PCCA: variants seen among roughly 807,000 people sequenced by gnomAD.
PCCA encodes the protein propionyl-CoA carboxylase subunit alpha, also known as propionyl-CoA carboxylase alpha chain, mitochondrial.
In PCCA, 74 loss-of-function variants were observed where a neutral mutation model predicts 101.3. The observed-to-expected ratio is 0.73, with a 90% CI of 0.61 to 0.89. PCCA has a LOEUF of 0.89. Ranked by LOEUF, PCCA falls within the 40% of genes least tolerant of loss-of-function variation. PCCA has a pLI of 0.00. For missense variants in PCCA, 891 were observed against 907.0 expected (o/e 0.98, Z 0.23); for synonymous variants, 294 against 313.6 (o/e 0.94, Z 0.66).
At chr13:100,317,814 C>T (rs546618108) in intron 16 of PCCA, among the ~76,000 whole-genome samples, 99 of 152,084 alleles carry the variant, frequency 6.5e-4, no homozygotes, top group Non-Finnish European at 1.2e-3. Flanking sequence ...TCTTGAACTC[C>T]TGACCTCAAG....
At chr13:100,276,482 A>T (rs1342202644) in intron 12 of PCCA, among the ~76,000 whole-genome samples, 1 of 151,746 alleles carries the variant, frequency 6.6e-6, no homozygotes, top group Non-Finnish European at 1.5e-5. Context: ...ATGTCTTTTA[A>T]TTTTTTTTGG....
At chr13:100,389,190 G>C (rs1161807962) in intron 19 of PCCA, among the ~76,000 whole-genome samples, 1 of 152,122 alleles carries the variant, frequency 6.6e-6, no homozygotes, top group Non-Finnish European at 1.5e-5. Context: ...AACTGAACAC[G>C]GAGGTGGTTA....
At chr13:100,100,719 C>G (rs1386401311) in intron 1 of PCCA, among the ~76,000 whole-genome samples, 2 of 151,824 alleles carry the variant, frequency 1.3e-5, no homozygotes, top group African/African-American at 4.8e-5. Context: ...TCAGACTTGT[C>G]GTGGGAATGG....
intron 21 of PCCA, among the ~76,000 whole-genome samples, chr13:100,485,042 CCTCT>C (rs372225785): frequency 6.6e-6 from 1 of 151,234 alleles, no homozygotes; most frequent in African/African-American, 2.4e-5. Context: ...CCCTTCCTGC[CCTCT>C]CTCTCTCTCT....
chr13:100,130,468 T>C (rs1325388870), intron 4 of PCCA, among the ~76,000 whole-genome samples: 2 of 152,254 alleles, frequency 1.3e-5, no homozygotes, highest in African/African-American at 4.8e-5. Flanking sequence ...ATTGTTGCTA[T>C]CTTCAGGCAT....
At chr13:100,518,046 C>T (rs937933629) in intron 22 of PCCA, among the ~76,000 whole-genome samples, 8 of 152,072 alleles carry the variant, frequency 5.3e-5, no homozygotes. Context: ...AATAGCCGGG[C>T]GAGGTTCCCC....
chr13:100,497,963 G>A (rs564784994), intron 21 of PCCA, among the ~76,000 whole-genome samples: 9 of 151,632 alleles, frequency 5.9e-5, no homozygotes, highest in Non-Finnish European at 1.3e-4. Flanking sequence ...TCGAACTACC[G>A]GGCTCAGTTG....
chr13:100,229,061 G>T (rs2060318135), intron 7 of PCCA, among the ~76,000 whole-genome samples: 1 of 151,156 alleles, frequency 6.6e-6, no homozygotes, highest in South Asian at 2.1e-4. Flanking sequence ...AAAACTTATT[G>T]CCATGTAGAA....
At chr13:100,435,044 G>C (rs947587269) in intron 20 of PCCA, among the ~76,000 whole-genome samples, 2 of 152,158 alleles carry the variant, frequency 1.3e-5, no homozygotes. Flanking sequence ...CTGAACCCCT[G>C]TGATTCCATG....
chr13:100,414,160 G>C (rs1214420957), intron 19 of PCCA, among the ~76,000 whole-genome samples: 1 of 152,060 alleles, frequency 6.6e-6, no homozygotes, highest in Non-Finnish European at 1.5e-5. Flanking sequence ...ATAATCTTTT[G>C]TGACAGATTG....
intron 21 of PCCA, among the ~76,000 whole-genome samples, chr13:100,465,907 G>A (rs931827546): frequency 1.3e-5 from 2 of 152,228 alleles, no homozygotes; most frequent in Admixed American, 6.5e-5. Context: ...TTAGGAACAT[G>A]TTTAGCGAAT....
intron 17 of PCCA, among the ~76,000 whole-genome samples, chr13:100,336,122 C>T (rs1435029349): frequency 1.3e-5 from 2 of 152,082 alleles, no homozygotes; most frequent in African/African-American, 4.8e-5. Context: ...ATTAGCCGGG[C>T]ATGGTGGCAT....
chr13:100,453,546 G>A (rs2081493010), intron 21 of PCCA, among the ~76,000 whole-genome samples: 1 of 152,024 alleles, frequency 6.6e-6, no homozygotes, highest in Non-Finnish European at 1.5e-5. Context: ...TTGGGACTGT[G>A]GAGCTGAACT....
intron 16 of PCCA, among the ~76,000 whole-genome samples, chr13:100,328,933 C>A (rs1459334184): frequency 6.7e-6 from 1 of 150,328 alleles, no homozygotes; most frequent in Non-Finnish European, 1.5e-5. Flanking sequence ...ACCTCATGAT[C>A]TGCCTGCCTC....
At chr13:100,483,187 C>G (rs151180117) in intron 21 of PCCA, among the ~76,000 whole-genome samples, 1 of 151,960 alleles carries the variant, frequency 6.6e-6, no homozygotes, top group African/African-American at 2.4e-5. Flanking sequence ...AAAAGTACAA[C>G]TTGCTTTATG....
In PCCA at chr13:100,405,566, A is replaced by G. The variant is rs139833367; in HGVS notation, c.1747-20067A>G. Among the ~76,000 whole-genome samples, 384 of 152,294 alleles carry G rather than the reference A, an allele frequency of 2.5e-3. 4 individuals are homozygous for G. The highest frequency in any genetic ancestry group is 0.019 in the Admixed American group (288 of 15,302). On this transcript the variant is annotated intron_variant, in intron 19 of 23. Transcript: ENST00000376285. Reference sequence around the variant, plus strand: ...TTCTTTGCCTGAATATTTGCATAAAATGCAACAAGAATAATTATTTCTACA... The same window carrying G: ...TTCTTTGCCTGAATATTTGCATAAAGTGCAACAAGAATAATTATTTCTACA...
chr13:100,301,972 T>A (rs1235693315), intron 13 of PCCA, among the ~76,000 whole-genome samples: 2 of 152,230 alleles, frequency 1.3e-5, no homozygotes, highest in African/African-American at 2.4e-5. Context: ...ATGGGTTTTT[T>A]AAAAAAATGC....
chr13:100,204,239 C>T (rs1359329252), intron 6 of PCCA, among the ~76,000 whole-genome samples: 3 of 152,038 alleles, frequency 2.0e-5, no homozygotes, highest in Admixed American at 6.6e-5. Context: ...AAGCAATCCT[C>T]CTACCTCAGC....
chr13:100,249,929 T>C (rs1167490615), intron 8 of PCCA, among the ~76,000 whole-genome samples: 2 of 152,212 alleles, frequency 1.3e-5, no homozygotes, highest in South Asian at 4.1e-4. Flanking sequence ...GTAACCTTAC[T>C]ATAATTGCTT....
Sources: gnomAD v4.1 joint callset for allele counts (sites outside exome capture counted in the v4.1 genomes callset) on GRCh38, gnomAD v4.1.1 for gene constraint, MANE v1.5 for transcripts, NCBI Gene and HGNC (gene_info 2026-07-23, HGNC 2026-07-21) for gene names.